Variants in B3GAT2 observed in about 807,000 individuals in gnomAD.
B3GAT2 encodes the protein galactosylgalactosylxylosylprotein 3-beta-glucuronosyltransferase 2.
A neutral mutation model predicts 27.8 loss-of-function variants in B3GAT2; 26 were observed. That is an observed-to-expected ratio of 0.93 (90% CI 0.68 to 1.30). The LOEUF (loss-of-function observed/expected upper bound fraction) is 1.30, where lower values mean the gene tolerates loss of function less well. Among genes scored for constraint, B3GAT2 ranks in the 50% most tolerant of loss-of-function variants. The probability of loss-of-function intolerance (pLI) is 0.00; values close to 1 mark genes in which losing one functional copy is unlikely to be tolerated. For missense variants in B3GAT2, 458 were observed against 459.0 expected (o/e 1.00, Z 0.02); for synonymous variants, 218 against 195.1 (o/e 1.12, Z -0.98).
intron 2 of B3GAT2, among the ~76,000 whole-genome samples, chr6:70,881,998 T>G (rs1039733746): frequency 9.9e-5 from 15 of 152,132 alleles, no homozygotes; most frequent in Admixed American, 2.0e-4. Flanking sequence ...ATGGTAAAAT[T>G]TATTACAGTT....
At chr6:70,954,918 G>GT (rs1554218603) in intron 1 of B3GAT2, among the ~76,000 whole-genome samples, 1 of 151,550 alleles carries the variant, frequency 6.6e-6, no homozygotes, top group East Asian at 1.9e-4. Flanking sequence ...GGGGCGGCGG[G>GT]GGGGGGCGGT....
chr6:70,949,421 A>AG (rs1231118917), intron 1 of B3GAT2, among the ~76,000 whole-genome samples: 1 of 152,132 alleles, frequency 6.6e-6, no homozygotes, highest in Admixed American at 6.6e-5. Context: ...TCTCAAAAGA[A>AG]ACATTTATGC....
chr6:70,908,242 T>C (rs771967242), intron 1 of B3GAT2, among the ~76,000 whole-genome samples: 29 of 152,180 alleles, frequency 1.9e-4, no homozygotes, highest in Non-Finnish European at 3.7e-4. Flanking sequence ...TCCAGGGAGT[T>C]AGTGCTAGGA....
At chr6:70,940,302 A>G (rs1414727058) in intron 1 of B3GAT2, among the ~76,000 whole-genome samples, 2 of 152,138 alleles carry the variant, frequency 1.3e-5, no homozygotes, top group Non-Finnish European at 2.9e-5. Flanking sequence ...GCTTCCCAAA[A>G]AAGCATCAGG....
intron 1 of B3GAT2, among the ~76,000 whole-genome samples, chr6:70,905,096 A>C (rs937943807): frequency 2.0e-5 from 3 of 152,234 alleles, no homozygotes; most frequent in Non-Finnish European, 2.9e-5. Flanking sequence ...CTTTGTGTGA[A>C]CTTATCATAG....
rs551169843 is a variant in B3GAT2 at position 70,911,712 on chromosome 6, T to C, written c.592-17440A>G. 5.9e-5 allele frequency among the ~76,000 whole-genome samples: 9 copies of C among 152,342 alleles called. No homozygotes were observed. The South Asian group carries it at 8.3e-4, about 14-fold the overall frequency. ...CACTGGTAGTTTGAAAGGAATAGCA[T>C]TGAATCTGTAAATTGCTTTGGGCAG... On this transcript the variant is annotated intron_variant, in intron 1 of 3. Transcript: ENST00000230053.
rs1254576398 is a variant in B3GAT2 at position 70,946,842 on chromosome 6, C to T, written c.591+8997G>A. Among the ~76,000 whole-genome samples the T allele has an allele frequency of 4.0e-5, 6 of 150,700 alleles. No homozygotes were observed. The South Asian group carries it at 1.3e-3, about 32-fold the overall frequency. On this transcript the variant is annotated intron_variant, in intron 1 of 3. Transcript: ENST00000230053. ...CCACATAGTTGGAAGTAAAGCTCTC[C>T]TCAGCAAATGCAAAAGAACAGAAAT... is the stretch of plus-strand genomic sequence containing the variant.
chr6:70,926,228 A>G (rs1391534574), intron 1 of B3GAT2, among the ~76,000 whole-genome samples: 1 of 152,240 alleles, frequency 6.6e-6, no homozygotes. Flanking sequence ...GAGAAAACAG[A>G]GTAGAAAAGC....
At chr6:70,918,237 G>C (rs1377397533) in intron 1 of B3GAT2, among the ~76,000 whole-genome samples, 2 of 150,992 alleles carry the variant, frequency 1.3e-5, no homozygotes, top group Non-Finnish European at 3.0e-5. Flanking sequence ...CCTTTTTTTT[G>C]CTTTCCATTT....
chr6:70,884,661 C>T (rs1772154710), intron 2 of B3GAT2, among the ~76,000 whole-genome samples: 1 of 152,200 alleles, frequency 6.6e-6, no homozygotes, highest in Non-Finnish European at 1.5e-5. Context: ...CCAGAAAAAG[C>T]GATTCCTGCC....
rs565937994 is a variant in B3GAT2 at position 70,945,909 on chromosome 6, G to A, written c.591+9930C>T. ...CTCTACAAGCCAGAAGAGAGTGGGG[G>A]CCAATATTCAACAATCTTAAAGAAA... On this transcript the variant is annotated intron_variant, in intron 1 of 3. Coordinates refer to ENST00000230053, the MANE Select transcript of B3GAT2 (RefSeq NM_080742.3). 5.3e-3 allele frequency among the ~76,000 whole-genome samples: 809 copies of A among 151,872 alleles called. 3 individuals are homozygous for A. The highest frequency in any genetic ancestry group is 8.5e-3 in the Non-Finnish European group (577 of 67,984).
At chr6:70,863,974 C>A (rs1286657750) in intron 2 of B3GAT2, among the ~76,000 whole-genome samples, 1 of 151,592 alleles carries the variant, frequency 6.6e-6, no homozygotes, top group African/African-American at 2.4e-5. Flanking sequence ...AAATTGATAA[C>A]GTAGTGTCCT....
chr6:70,902,637 T>TATATATATATATATACAC (rs1491331231), intron 1 of B3GAT2, among the ~76,000 whole-genome samples: 1 of 133,422 alleles, frequency 7.5e-6, no homozygotes, highest in East Asian at 2.4e-4. Flanking sequence ...TATATATATA[T>TATATATATATATATACAC]ACACACACAC....
At chr6:70,952,688 C>G (rs1368362613) in intron 1 of B3GAT2, among the ~76,000 whole-genome samples, 2 of 152,250 alleles carry the variant, frequency 1.3e-5, no homozygotes, top group East Asian at 1.9e-4. Context: ...TTTTTGAAAC[C>G]TGAAAAACCC....
intron 1 of B3GAT2, among the ~76,000 whole-genome samples, chr6:70,921,872 C>T (rs996164587): frequency 1.3e-5 from 2 of 152,200 alleles, no homozygotes; most frequent in South Asian, 4.1e-4. Flanking sequence ...AGGCTCAGCT[C>T]ATCACTCATG....
At chr6:70,869,280 G>A (rs1771898316) in intron 2 of B3GAT2, among the ~76,000 whole-genome samples, 1 of 152,094 alleles carries the variant, frequency 6.6e-6, no homozygotes. Flanking sequence ...CTCCTGAGTA[G>A]CTGGGACTAT....
At chr6:70,878,313 C>T (rs1000818607) in intron 2 of B3GAT2, among the ~76,000 whole-genome samples, 6 of 152,024 alleles carry the variant, frequency 3.9e-5, no homozygotes, top group African/African-American at 1.5e-4. Flanking sequence ...CTATGTCTGC[C>T]TTTAGTTTTT....
intron 1 of B3GAT2, among the ~76,000 whole-genome samples, chr6:70,898,087 A>T (rs1284652080): frequency 6.6e-6 from 1 of 152,144 alleles, no homozygotes; most frequent in Non-Finnish European, 1.5e-5. Context: ...GGTTGTTTTG[A>T]CTGTTATAGA....
intron 1 of B3GAT2, among the ~76,000 whole-genome samples, chr6:70,918,113 T>C (rs557298171): frequency 3.9e-5 from 6 of 152,326 alleles, no homozygotes; most frequent in African/African-American, 9.6e-5. Flanking sequence ...ATATTTAGGA[T>C]AGTTAGCTCT....
Sources: gnomAD v4.1 joint callset for allele counts (sites outside exome capture counted in the v4.1 genomes callset) on GRCh38, gnomAD v4.1.1 for gene constraint, MANE v1.5 for transcripts, NCBI Gene and HGNC (gene_info 2026-07-23, HGNC 2026-07-21) for gene names.